L2HGDH: variants seen among roughly 807,000 people sequenced by gnomAD.
The protein encoded by L2HGDH is L-2-hydroxyglutarate dehydrogenase.
In L2HGDH, 34 loss-of-function variants were observed where a neutral mutation model predicts 51.5. That is an observed-to-expected ratio of 0.66 (90% CI 0.50 to 0.88). The LOEUF is 0.88. L2HGDH is among the 40% of genes least tolerant of loss of function. L2HGDH has a pLI of 0.00. For missense variants in L2HGDH, 558 were observed against 571.9 expected, an observed-to-expected ratio of 0.98 and a Z score of 0.25; for synonymous variants, 198 against 197.9, an observed-to-expected ratio of 1.00 and a Z score of -0.01.
At chr14:50,296,996 T>C (rs527901863) in intron 3 of L2HGDH, among the ~76,000 whole-genome samples, 3 of 152,204 alleles carry the variant, frequency 2.0e-5, no homozygotes, top group South Asian at 2.1e-4. Flanking sequence ...ACTACATTAA[T>C]AGAATAAAGG....
At chr14:50,257,941 CTTT>C (rs1229417411) in intron 9 of L2HGDH, among the ~76,000 whole-genome samples, 8 of 151,570 alleles carry the variant, frequency 5.3e-5, no homozygotes, top group Non-Finnish European at 1.0e-4. Flanking sequence ...TTCAGTACGA[CTTT>C]ATCTGTGGGA....
chr14:50,254,363 G>GAT (rs759877620), intron 9 of L2HGDH, among the ~76,000 whole-genome samples: 2 of 151,946 alleles, frequency 1.3e-5, no homozygotes, highest in Non-Finnish European at 2.9e-5. Flanking sequence ...TAAAGAATCA[G>GAT]ATATACCACA....
At chr14:50,258,659 A>G (rs1888815611) in intron 9 of L2HGDH, among the ~76,000 whole-genome samples, 1 of 151,856 alleles carries the variant, frequency 6.6e-6, no homozygotes, top group East Asian at 1.9e-4. Context: ...GACTACAGGA[A>G]CATGCCACCA....
chr14:50,283,019 T>C (rs1284781395), intron 5 of L2HGDH, among the ~76,000 whole-genome samples: 3 of 150,964 alleles, frequency 2.0e-5, no homozygotes, highest in African/African-American at 7.3e-5. Flanking sequence ...TCTATAAAAA[T>C]TAAAATTAAA....
At chr14:50,303,799 G>C (rs1024141482) in intron 1 of L2HGDH, among the ~76,000 whole-genome samples, 1 of 99,046 alleles carries the variant, frequency 1.0e-5, no homozygotes, top group African/African-American at 4.3e-5. Flanking sequence ...AAAAAAAAAA[G>C]TTAGACGCAT....
intron 9 of L2HGDH, among the ~76,000 whole-genome samples, chr14:50,250,221 G>A (rs1310165856): frequency 1.3e-5 from 2 of 152,196 alleles, no homozygotes; most frequent in Non-Finnish European, 2.9e-5. Flanking sequence ...ACTCTTGGAC[G>A]GCATTTCTAG....
intron 4 of L2HGDH, among the ~76,000 whole-genome samples, chr14:50,291,197 CAAAAAAAAAAAAAAAA>C (rs1159640500): frequency 9.8e-5 from 3 of 30,644 alleles, no homozygotes; most frequent in African/African-American, 1.7e-4. Flanking sequence ...GACTCCGTCT[CAAAAAAAAAAAAAAAA>C]AAAAAAAAAA....
chr14:50,254,898 C>T (rs748736319), intron 9 of L2HGDH, among the ~76,000 whole-genome samples: 45 of 151,432 alleles, frequency 3.0e-4, no homozygotes, highest in Non-Finnish European at 4.9e-4. Context: ...ATCAATCAGG[C>T]GTGGTGTTGA....
At chr14:50,277,445 C>G (rs1452932456) in intron 6 of L2HGDH, among the ~76,000 whole-genome samples, 1 of 151,956 alleles carries the variant, frequency 6.6e-6, no homozygotes, top group Non-Finnish European at 1.5e-5. Flanking sequence ...TTCATGGTTC[C>G]AACTTAAACT....
chr14:50,265,134 C>G (rs963217612), intron 9 of L2HGDH, among the ~76,000 whole-genome samples: 2 of 152,076 alleles, frequency 1.3e-5, no homozygotes, highest in South Asian at 4.1e-4. Flanking sequence ...GTAAGGCAGT[C>G]TAGATAATTA....
Position 50,243,435 on chromosome 14 carries a change from TAA to T in L2HGDH, c.*3621_*3622del. On this transcript the variant is annotated 3_prime_UTR_variant, in exon 10 of 10. Coordinates refer to ENST00000267436, the MANE Select transcript of L2HGDH (RefSeq NM_024884.3). ...TTACACATAAAAAAATTTATTTGCA[TAA>T]AAGTTTTTATGGAACTAAAAAATAT... is the stretch of plus-strand genomic sequence containing the variant. 1 of 934,804 alleles carries T rather than the reference TAA, an allele frequency of 1.1e-6. No homozygotes were observed. The highest frequency in any genetic ancestry group is 1.3e-6 in the Non-Finnish European group (1 of 784,016). 57.9% of individuals were successfully genotyped at this position (934,804 alleles called of 1,614,324 possible).
Position 50,245,893 on chromosome 14 carries a change from A to C in L2HGDH, c.*1165T>G. On this transcript the variant is annotated 3_prime_UTR_variant, in exon 10 of 10. Transcript: ENST00000267436. ...TCCCAGCATTTTGGGAGGCTGAGGC[A>C]GGTGGATCACCTGAGGTCAGGAATT... 1 of 825,510 alleles carries C rather than the reference A, an allele frequency of 1.2e-6. No homozygotes were observed. The highest frequency in any genetic ancestry group is 1.5e-6 in the Non-Finnish European group (1 of 683,916). The allele number at this position is 825,510 out of a possible 1,614,324, so 51.1% of individuals were successfully genotyped here.
At chr14:50,253,992 G>A (rs1888508731) in intron 9 of L2HGDH, among the ~76,000 whole-genome samples, 1 of 152,074 alleles carries the variant, frequency 6.6e-6, no homozygotes, top group Admixed American at 6.6e-5. Flanking sequence ...AACGCATAGA[G>A]GTAAGAGAGC....
chr14:50,306,584 G>A (rs545757533), intron 1 of L2HGDH, among the ~76,000 whole-genome samples: 1 of 132,130 alleles, frequency 7.6e-6, no homozygotes, highest in Admixed American at 7.8e-5. Flanking sequence ...TTTTTGGGGG[G>A]TTTTTTTGTT....
intron 6 of L2HGDH, among the ~76,000 whole-genome samples, chr14:50,277,158 T>C (rs1018345949): frequency 2.0e-5 from 3 of 151,908 alleles, no homozygotes; most frequent in African/African-American, 7.3e-5. Flanking sequence ...ACTCAGCTAG[T>C]AGAAATTAAA....
At position 50,303,930 on chromosome 14, in the gene L2HGDH, C is replaced by A. The variant is rs578237434; in HGVS notation, c.141-913G>T. Among the ~76,000 whole-genome samples, 545 of 151,730 alleles carry A rather than the reference C, an allele frequency of 3.6e-3. 4 individuals carry two copies. Among genetic ancestry groups the A allele is most frequent in the African/African-American group, 0.013 (523 of 41,318 alleles). ...CAATCTGCTCTTTATCTCCATAGCA[C>A]GGCAGCCAGGCTGGTTACATAAGTG... On this transcript the variant is annotated intron_variant, in intron 1 of 9. Coordinates refer to ENST00000267436, the MANE Select transcript of L2HGDH (RefSeq NM_024884.3).
rs142643567 is a variant in L2HGDH at position 50,242,813 on chromosome 14, C to T, written c.*4245G>A. 3.5e-3 allele frequency: 3,430 copies of T among 985,370 alleles called. 7 individuals are homozygous for T. The highest frequency in any genetic ancestry group is 3.6e-3 in the Non-Finnish European group (3,009 of 829,912). The allele number at this position is 985,370 out of a possible 1,614,324, so 61.0% of individuals were successfully genotyped here. A position where few individuals can be genotyped will look rare whatever the true frequency, so the allele number is the denominator to read the frequency against. ...CAAGATCTTTAGATAATAGTGTATG[C>T]GCAGAAAGATGAGGAAACCTCTGAC... is the stretch of plus-strand genomic sequence containing the variant. On this transcript the variant is annotated 3_prime_UTR_variant, in exon 10 of 10. Transcript: ENST00000267436.
chr14:50,249,111 T>C (rs752070578), intron 9 of L2HGDH, among the ~76,000 whole-genome samples: 1 of 152,164 alleles, frequency 6.6e-6, no homozygotes, highest in Non-Finnish European at 1.5e-5. Context: ...GAGGGAGCAT[T>C]TGGACCTGCC....
At chr14:50,309,072 C>A (rs909541409) in intron 1 of L2HGDH, among the ~76,000 whole-genome samples, 1 of 152,164 alleles carries the variant, frequency 6.6e-6, no homozygotes. Flanking sequence ...GGGAGATATG[C>A]AGTTGCTGGT....
Sources: allele counts gnomAD v4.1 joint callset (sites outside exome capture counted in the v4.1 genomes callset), GRCh38; gene constraint gnomAD v4.1.1; transcripts MANE v1.5; gene names NCBI Gene and HGNC (gene_info 2026-07-23, HGNC 2026-07-21).